BST1: variants seen among roughly 807,000 people sequenced by gnomAD.
The protein encoded by BST1 is bone marrow stromal cell antigen 1, also known as ADP-ribosyl cyclase/cyclic ADP-ribose hydrolase 2.
In BST1, 49 loss-of-function variants were observed where a neutral mutation model predicts 40.6. The observed-to-expected ratio is 1.21, with a 90% CI of 0.96 to 1.53. BST1 has a LOEUF of 1.53. Among genes scored for constraint, BST1 ranks in the 40% most tolerant of loss-of-function variants. BST1 has a pLI of 0.00. For synonymous variants in BST1, 157 were observed against 159.3 expected (o/e 0.99, Z 0.11); for missense variants, 423 against 395.9 (o/e 1.07, Z -0.58).
intron 6 of BST1, among the ~76,000 whole-genome samples, chr4:15,716,348 T>C (rs1166111235): frequency 6.6e-6 from 1 of 152,174 alleles, no homozygotes; most frequent in Admixed American, 6.5e-5. Context: ...AAACTCAAGA[T>C]AAAAAAGTTA....
At chr4:15,754,406 C>T in the BST1 span, among the ~76,000 whole-genome samples, 194 of 152,274 alleles carry the variant, frequency 1.3e-3, no homozygotes, top group African/African-American at 4.3e-3. Flanking sequence ...TTCTCTGAAG[C>T]ATGCACATGT....
At chr4:15,705,774 G>A (rs1719849389) in intron 2 of BST1, 133 bp downstream of exon 2, 10 of 1,189,182 alleles carry the variant, frequency 8.4e-6, no homozygotes, top group Non-Finnish European at 1.2e-5. Context: ...CACACATAAT[G>A]TGTGTGCTGA....
the BST1 span, among the ~76,000 whole-genome samples, chr4:15,745,515 AG>A: frequency 6.6e-6 from 1 of 152,192 alleles, no homozygotes. Context: ...GGTTTCTTCC[AG>A]GTAATATGAC....
downstream of BST1, among the ~76,000 whole-genome samples, chr4:15,738,490 A>G (rs1023047753): frequency 1.3e-5 from 2 of 152,244 alleles, no homozygotes; most frequent in African/African-American, 4.8e-5. Context: ...GATGTTGGTC[A>G]GTATAAAAGG....
At chr4:15,726,874 T>A (rs1365955446) in intron 8 of BST1, among the ~76,000 whole-genome samples, 1 of 150,516 alleles carries the variant, frequency 6.6e-6, no homozygotes, top group Non-Finnish European at 1.5e-5. Context: ...TCGGTATTTT[T>A]TTTTTTTTTT....
intron 8 of BST1, among the ~76,000 whole-genome samples, chr4:15,730,600 A>C (rs1284913415): frequency 6.6e-6 from 1 of 152,260 alleles, no homozygotes; most frequent in Non-Finnish European, 1.5e-5. Flanking sequence ...CTTAGATAAA[A>C]GGATATCTAA....
At chr4:15,771,710 A>T in the BST1 span, among the ~76,000 whole-genome samples, 1 of 152,206 alleles carries the variant, frequency 6.6e-6, no homozygotes, top group Non-Finnish European at 1.5e-5. Flanking sequence ...TATCTTTCCA[A>T]ATTATAAGTG....
chr4:15,753,976 A>T, the BST1 span, among the ~76,000 whole-genome samples: 2 of 152,166 alleles, frequency 1.3e-5, no homozygotes, highest in Non-Finnish European at 2.9e-5. Context: ...GAGGGAATGG[A>T]TAACCGGACC....
At chr4:15,717,304 C>G (rs531387265) in intron 6 of BST1, among the ~76,000 whole-genome samples, 1 of 152,176 alleles carries the variant, frequency 6.6e-6, no homozygotes, top group Non-Finnish European at 1.5e-5. Context: ...TCCAATTGCT[C>G]ATTTCCTCCC....
At chr4:15,716,476 A>G (rs1341551538) in intron 6 of BST1, among the ~76,000 whole-genome samples, 2 of 152,206 alleles carry the variant, frequency 1.3e-5, no homozygotes, top group Non-Finnish European at 2.9e-5. Context: ...CCTCCGTGCT[A>G]CATGGAGGAA....
intron 7 of BST1, among the ~76,000 whole-genome samples, chr4:15,720,777 C>G (rs188003464): frequency 9.9e-5 from 15 of 152,150 alleles, no homozygotes; most frequent in African/African-American, 3.1e-4. Context: ...GGTGACAGAG[C>G]AGGACCTGGT....
chr4:15,728,643 CTTT>C (rs869200119), intron 8 of BST1, among the ~76,000 whole-genome samples: 10 of 119,780 alleles, frequency 8.3e-5, no homozygotes, highest in Non-Finnish European at 8.7e-5. Flanking sequence ...TCCTTCCTTC[CTTT>C]TTTTTTTTTT....
the BST1 span, among the ~76,000 whole-genome samples, chr4:15,764,143 T>C: frequency 5.3e-5 from 8 of 152,008 alleles, no homozygotes; most frequent in African/African-American, 1.9e-4. Context: ...AGACTGTGCA[T>C]GTGTAGGGAG....
At chr4:15,751,073 G>A in the BST1 span, among the ~76,000 whole-genome samples, 3 of 152,124 alleles carry the variant, frequency 2.0e-5, no homozygotes, top group African/African-American at 7.2e-5. Flanking sequence ...GGCTACCAGA[G>A]GCATGAATCA....
At chr4:15,751,925 T>C in the BST1 span, among the ~76,000 whole-genome samples, 1 of 152,142 alleles carries the variant, frequency 6.6e-6, no homozygotes, top group South Asian at 2.1e-4. Context: ...TTGCAACAAC[T>C]CATGGCAGTG....
downstream of BST1, among the ~76,000 whole-genome samples, chr4:15,741,186 G>C (rs1006333889): frequency 1.3e-5 from 2 of 152,118 alleles, no homozygotes; most frequent in South Asian, 2.1e-4. Flanking sequence ...ACAGATTGGA[G>C]ATCAGCTGTC....
At chr4:15,721,483 A>C (rs1720806790) in intron 7 of BST1, among the ~76,000 whole-genome samples, 1 of 152,230 alleles carries the variant, frequency 6.6e-6, no homozygotes, top group African/African-American at 2.4e-5. Flanking sequence ...AGCCATAAAA[A>C]GGATGAGTTC....
chr4:15,720,361 G>A (rs561460248), intron 7 of BST1, among the ~76,000 whole-genome samples: 3 of 152,216 alleles, frequency 2.0e-5, no homozygotes, highest in South Asian at 2.1e-4. Context: ...GCTCATACCT[G>A]TAATCCCAGC....
At chr4:15,728,643 CTTTTTTTTT>C (rs869200119) in intron 8 of BST1, among the ~76,000 whole-genome samples, 1 of 119,804 alleles carries the variant, frequency 8.3e-6, no homozygotes, top group African/African-American at 3.2e-5. Context: ...TCCTTCCTTC[CTTTTTTTTT>C]TTTTTTTTTT....
Sources: gnomAD v4.1 joint callset for allele counts (sites outside exome capture counted in the v4.1 genomes callset) on GRCh38, gnomAD v4.1.1 for gene constraint, MANE v1.5 for transcripts, NCBI Gene and HGNC (gene_info 2026-07-23, HGNC 2026-07-21) for gene names.